Variants in SLC14A2 observed in about 807,000 individuals in gnomAD.
The protein encoded by SLC14A2 is urea transporter 2.
In SLC14A2, 91 loss-of-function variants were observed where a neutral mutation model predicts 104.6. The observed-to-expected ratio is 0.87, with a 90% confidence interval of 0.73 to 1.04. The LOEUF (loss-of-function observed/expected upper bound fraction) is 1.04, where lower values mean the gene tolerates loss of function less well. Among genes scored for constraint, SLC14A2 ranks in the 50% least tolerant of loss-of-function variants. The pLI is 0.00. For missense variants in SLC14A2, 1,189 were observed against 1,156.0 expected (o/e 1.03, Z -0.41); for synonymous variants, 476 against 466.4 (o/e 1.02, Z -0.27).
chr18:45,436,487 T>A (rs552819046), intron 1 of SLC14A2, among the ~76,000 whole-genome samples: 1 of 152,320 alleles, frequency 6.6e-6, no homozygotes, highest in African/African-American at 2.4e-5. Flanking sequence ...GACCAAACCC[T>A]TTCAAACAGT....
At chr18:45,579,650 G>A (rs140882031) in intron 2 of SLC14A2, among the ~76,000 whole-genome samples, 74 of 152,258 alleles carry the variant, frequency 4.9e-4, no homozygotes, top group South Asian at 4.4e-3. Context: ...TCACTCATTC[G>A]TTCACTAGGC....
In SLC14A2 at chr18:45,673,186, C is replaced by T. The variant is rs568790599; in HGVS notation, c.2377+139C>T. 5.7e-4 allele frequency: 477 copies of T among 836,984 alleles called. 1 individual carries two copies. Among genetic ancestry groups the T allele is most frequent in the South Asian group, 1.3e-3 (74 of 55,382 alleles). 51.8% of individuals were successfully genotyped at this position (836,984 alleles called of 1,614,324 possible). A position where few individuals can be genotyped will look rare whatever the true frequency, so the allele number is the denominator to read the frequency against. On this transcript the variant is annotated intron_variant, in intron 17 of 19. Coordinates refer to ENST00000255226, the MANE Select transcript of SLC14A2 (RefSeq NM_007163.4). ...CTCCTTCTGTTGTACCCTGTTTCTC[C>T]GTTTTTGATCTAGCCCCTTTATCCT...
chr18:45,446,654 C>T (rs955425023), intron 1 of SLC14A2, among the ~76,000 whole-genome samples: 1 of 152,242 alleles, frequency 6.6e-6, no homozygotes, highest in Non-Finnish European at 1.5e-5. Flanking sequence ...ATAGCTTCAG[C>T]TCCCAAAATG....
chr18:45,573,670 A>G (rs1408715499), intron 2 of SLC14A2, among the ~76,000 whole-genome samples: 1 of 152,214 alleles, frequency 6.6e-6, no homozygotes, highest in African/African-American at 2.4e-5. Context: ...ATTCCCTTAC[A>G]TGGGATGTGG....
chr18:45,571,497 G>A (rs1351279730), intron 2 of SLC14A2, among the ~76,000 whole-genome samples: 1 of 152,208 alleles, frequency 6.6e-6, no homozygotes, highest in Non-Finnish European at 1.5e-5. Context: ...ACTGGTAGAT[G>A]CTTTGAGGCT....
At chr18:45,583,515 A>G (rs1334880732) in intron 2 of SLC14A2, among the ~76,000 whole-genome samples, 1 of 152,244 alleles carries the variant, frequency 6.6e-6, no homozygotes, top group African/African-American at 2.4e-5. Flanking sequence ...TCTTAAATCT[A>G]CATGGTCTAA....
At chr18:45,203,427 G>A in the SLC14A2 span, among the ~76,000 whole-genome samples, 1 of 152,252 alleles carries the variant, frequency 6.6e-6, no homozygotes, top group Non-Finnish European at 1.5e-5. Context: ...GTTTCTTCTT[G>A]CTAACGTTTG....
At chr18:45,253,115 T>C (rs1050235976) in intron 1 of SLC14A2, among the ~76,000 whole-genome samples, 1 of 152,192 alleles carries the variant, frequency 6.6e-6, no homozygotes, top group African/African-American at 2.4e-5. Context: ...GAGGATATGT[T>C]AAAACCAGAT....
chr18:45,175,985 A>G, the SLC14A2 span, among the ~76,000 whole-genome samples: 1 of 152,152 alleles, frequency 6.6e-6, no homozygotes, highest in Non-Finnish European at 1.5e-5. Context: ...ATAACCTTCT[A>G]TTACTGCCCT....
chr18:45,242,018 TA>T (rs1230095189), intron 1 of SLC14A2, among the ~76,000 whole-genome samples: 1 of 152,126 alleles, frequency 6.6e-6, no homozygotes, highest in Non-Finnish European at 1.5e-5. Context: ...ACCTTGAAAC[TA>T]AAAACTTCTG....
At chr18:45,627,563 T>G (rs2045279508) in intron 4 of SLC14A2, among the ~76,000 whole-genome samples, 1 of 152,118 alleles carries the variant, frequency 6.6e-6, no homozygotes, top group African/African-American at 2.4e-5. Flanking sequence ...TTATAAAGGT[T>G]GCATATGGGG....
chr18:45,425,587 G>T (rs539084036), intron 1 of SLC14A2, among the ~76,000 whole-genome samples: 21 of 152,292 alleles, frequency 1.4e-4, no homozygotes, highest in African/African-American at 5.1e-4. Flanking sequence ...TGGAAGACAT[G>T]TCTGCTCTGG....
intron 1 of SLC14A2, among the ~76,000 whole-genome samples, chr18:45,465,038 C>A (rs898997479): frequency 6.6e-6 from 1 of 151,912 alleles, no homozygotes; most frequent in Non-Finnish European, 1.5e-5. Flanking sequence ...AGGAGAGAGA[C>A]AGAAACAGAC....
At chr18:45,527,527 T>A (rs748940153) in intron 2 of SLC14A2, among the ~76,000 whole-genome samples, 1 of 152,202 alleles carries the variant, frequency 6.6e-6, no homozygotes, top group Non-Finnish European at 1.5e-5. Context: ...CCTATTCAAC[T>A]TTTTGCAAAA....
chr18:45,302,440 A>G (rs1164095389), intron 1 of SLC14A2, among the ~76,000 whole-genome samples: 1 of 152,186 alleles, frequency 6.6e-6, no homozygotes, highest in Non-Finnish European at 1.5e-5. Context: ...CCAGAGGGAA[A>G]ATAACTTTGT....
intron 1 of SLC14A2, among the ~76,000 whole-genome samples, chr18:45,444,032 A>G (rs1347599773): frequency 6.6e-6 from 1 of 152,236 alleles, no homozygotes; most frequent in Non-Finnish European, 1.5e-5. Flanking sequence ...ACAAGGGAGA[A>G]GAAATGGAAG....
intron 1 of SLC14A2, among the ~76,000 whole-genome samples, chr18:45,330,500 G>A (rs192297913): frequency 6.6e-5 from 10 of 152,282 alleles, no homozygotes; most frequent in South Asian, 2.1e-4. Flanking sequence ...AGTGATGAAC[G>A]TGGAATGTTA....
chr18:45,507,673 A>T lies in SLC14A2; in HGVS notation c.-35+24351A>T, dbSNP rs1023347292. Among the ~76,000 whole-genome samples the T allele has an allele frequency of 2.6e-5, 4 of 152,300 alleles. No individual in the cohort carries two copies. The South Asian group carries it at 6.2e-4, about 24-fold the overall frequency. On this transcript the variant is annotated intron_variant, in intron 2 of 20. Coordinates refer to the SLC14A2 transcript ENST00000586448. ...GGAGGTAGGTATCTTAGGCAGAAAA[A>T]TGCAGAGGAGCTTCTGCTGCCGTTT...
the SLC14A2 span, among the ~76,000 whole-genome samples, chr18:45,186,937 A>G: frequency 1.1e-4 from 16 of 152,082 alleles, no homozygotes; most frequent in African/African-American, 3.4e-4. Flanking sequence ...GAAACATCAC[A>G]TCACCCCAAG....
Sources: gnomAD v4.1 joint callset for allele counts (sites outside exome capture counted in the v4.1 genomes callset) on GRCh38, gnomAD v4.1.1 for gene constraint, MANE v1.5 for transcripts, NCBI Gene and HGNC (gene_info 2026-07-23, HGNC 2026-07-21) for gene names.